The following GRM4 variants were observed in gnomAD, a reference collection of about 807,000 sequenced individuals.
The protein encoded by GRM4 is metabotropic glutamate receptor 4.
GRM4 carries 28 observed loss-of-function variants against 81.7 expected under a neutral mutation model. The ratio of observed to expected loss-of-function variants is 0.34; its 90% CI spans 0.25 to 0.47. The LOEUF is 0.47. Ranked by LOEUF, GRM4 falls within the 20% of genes least tolerant of loss-of-function variation. The pLI is 1.00. For missense variants in GRM4, 948 were observed against 1,290.0 expected (o/e 0.73, Z 4.06); for synonymous variants, 488 against 528.8 (o/e 0.92, Z 1.06).
chr6:34,063,971 T>C (rs1156541665), intron 3 of GRM4, among the ~76,000 whole-genome samples: 1 of 152,108 alleles, frequency 6.6e-6, no homozygotes, highest in African/African-American at 2.4e-5. Flanking sequence ...GAGAAACTGT[T>C]AGGTTAAGTC....
At chr6:34,071,575 C>CAG (rs796858726) in intron 3 of GRM4, among the ~76,000 whole-genome samples, 2 of 135,012 alleles carry the variant, frequency 1.5e-5, no homozygotes, top group African/African-American at 2.8e-5. Context: ...ACACCACACA[C>CAG]ACACACACAT....
intron 4 of GRM4, 102 bp downstream of exon 4, chr6:34,061,791 G>A (rs1343291793): frequency 8.1e-7 from 1 of 1,241,466 alleles, no homozygotes; most frequent in Non-Finnish European, 1.1e-6. Context: ...ATCCCAGGGT[G>A]GGGTCAGGCT....
intron 6 of GRM4, among the ~76,000 whole-genome samples, chr6:34,044,700 A>G (rs1303613370): frequency 1.4e-5 from 2 of 144,726 alleles, no homozygotes; most frequent in Admixed American, 1.4e-4. Flanking sequence ...ACATACACAT[A>G]TATACAGACA....
chr6:34,082,058 GA>G (rs1767627231), intron 3 of GRM4, among the ~76,000 whole-genome samples: 1 of 30,216 alleles, frequency 3.3e-5, no homozygotes, highest in African/African-American at 4.0e-4. Context: ...TGTCCAATGG[GA>G]GCCTGCGGGA....
In GRM4 at chr6:34,080,155, C is replaced by T. The variant is rs1211555750; in HGVS notation, c.736+11728G>A. ...GTTCCCCTGCCTGGGGCCCTCTTCC[C>T]ACAGATCTCCACCTGGCTAATGCCC... On this transcript the variant is annotated intron_variant, in intron 3 of 10. Transcript: ENST00000538487. The surrounding 1 kb of genome is among the most constrained non-coding windows in gnomAD (Gnocchi z 5.4). Among the ~76,000 whole-genome samples the T allele has an allele frequency of 6.6e-6, 1 of 152,202 alleles. No individual in the cohort carries two copies. The highest frequency in any genetic ancestry group is 1.5e-5 in the Non-Finnish European group (1 of 68,050).
chr6:34,025,402 C>T (rs932866145), intron 10 of GRM4, among the ~76,000 whole-genome samples: 16 of 152,172 alleles, frequency 1.1e-4, no homozygotes, highest in African/African-American at 3.9e-4. Flanking sequence ...AAACTCTCAG[C>T]AGCCACAACA....
chr6:34,045,566 C>T (rs558035283), intron 6 of GRM4, among the ~76,000 whole-genome samples: 2 of 152,336 alleles, frequency 1.3e-5, no homozygotes, highest in East Asian at 1.9e-4. Flanking sequence ...CCCTGAACTG[C>T]CCCTCCTCCA....
At chr6:34,031,332 T>C (rs145838365) in intron 9 of GRM4, among the ~76,000 whole-genome samples, 2 of 152,294 alleles carry the variant, frequency 1.3e-5, no homozygotes, top group African/African-American at 2.4e-5. Context: ...TCAACCTCAC[T>C]AGTCATGTGC....
intron 9 of GRM4, among the ~76,000 whole-genome samples, chr6:34,031,464 G>C (rs1022174546): frequency 6.6e-6 from 1 of 152,160 alleles, no homozygotes; most frequent in African/African-American, 2.4e-5. Flanking sequence ...TCCTGCTTTC[G>C]TGCTAGGCCT....
At chr6:34,099,697 G>T (rs969532407) in intron 2 of GRM4, among the ~76,000 whole-genome samples, 4 of 152,150 alleles carry the variant, frequency 2.6e-5, no homozygotes, top group Admixed American at 2.6e-4. Flanking sequence ...ACACACCCAC[G>T]CCCTCCATGG....
At chr6:34,023,958 G>C (rs9469684) in intron 10 of GRM4, among the ~76,000 whole-genome samples, 11,625 of 152,228 alleles carry the variant, frequency 0.076, 1,286 homozygotes, top group African/African-American at 0.24. Context: ...GCTGATCTGC[G>C]AGTCTGGAGA....
Position 34,057,361 on chromosome 6 carries a change from G to A in GRM4, c.1028-677C>T, listed in dbSNP as rs116721448. Among the ~76,000 whole-genome samples the A allele has an allele frequency of 9.6e-3, 1,469 of 152,316 alleles. 12 individuals carry two copies. The highest frequency in any genetic ancestry group is 0.015 in the Non-Finnish European group (1,011 of 68,028). On this transcript the variant is annotated intron_variant, in intron 5 of 10. Transcript: ENST00000538487. ...TGGGCCAGAGGCCTGAAAGCTCAGCGGGGCCACGTGGAGCTTCCTGCCCAT... is the reference window on the plus strand; with the variant it reads ...TGGGCCAGAGGCCTGAAAGCTCAGCAGGGCCACGTGGAGCTTCCTGCCCAT...
chr6:34,143,478 C>T (rs1295499608), intron 1 of GRM4, among the ~76,000 whole-genome samples: 1 of 152,222 alleles, frequency 6.6e-6, no homozygotes, highest in Non-Finnish European at 1.5e-5. Flanking sequence ...GCTATGGGTG[C>T]TCACACCCCA....
At chr6:34,072,349 A>T (rs1410717775) in intron 3 of GRM4, among the ~76,000 whole-genome samples, 1 of 146,958 alleles carries the variant, frequency 6.8e-6, no homozygotes, top group African/African-American at 2.5e-5. Flanking sequence ...ATGGATGCAC[A>T]CCACACACAC....
intron 4 of GRM4, chr6:34,060,454 C>T (rs759495327): frequency 6.6e-6 from 1 of 152,316 alleles, no homozygotes; most frequent in African/African-American, 2.4e-5. Flanking sequence ...TCCTACCCCA[C>T]TTCCCGCAGC....
intron 9 of GRM4, among the ~76,000 whole-genome samples, chr6:34,033,888 C>A (rs1021143352): frequency 6.6e-6 from 1 of 152,108 alleles, no homozygotes; most frequent in Non-Finnish European, 1.5e-5. Flanking sequence ...CAAGCATAAG[C>A]CACCATGCCT....
At chr6:34,120,556 G>T (rs1275475411) in intron 2 of GRM4, among the ~76,000 whole-genome samples, 1 of 152,030 alleles carries the variant, frequency 6.6e-6, no homozygotes, top group African/African-American at 2.4e-5. Flanking sequence ...CGCACTTCAG[G>T]CTTCTCAAAA....
chr6:34,100,960 G>A (rs1042336502), intron 2 of GRM4, among the ~76,000 whole-genome samples: 9 of 152,210 alleles, frequency 5.9e-5, no homozygotes, highest in African/African-American at 2.2e-4. Flanking sequence ...TTAAGCTGAC[G>A]CTATTTTAAG....
At chr6:34,106,718 C>T (rs960356149) in intron 2 of GRM4, among the ~76,000 whole-genome samples, 4 of 152,240 alleles carry the variant, frequency 2.6e-5, no homozygotes, top group Non-Finnish European at 4.4e-5. Context: ...CCCGCTGGCA[C>T]GTCAGTCCCA....
Sources: allele counts gnomAD v4.1 joint callset (sites outside exome capture counted in the v4.1 genomes callset), GRCh38; gene constraint gnomAD v4.1.1; non-coding constraint Gnocchi (gnomAD v3.1); transcripts MANE v1.5; gene names NCBI Gene and HGNC (gene_info 2026-07-23, HGNC 2026-07-21).